The following BICDL2 variants were observed in gnomAD, a reference collection of about 807,000 sequenced individuals.
The protein encoded by BICDL2 is BICD family-like cargo adapter 2.
A neutral mutation model predicts 56.6 loss-of-function variants in BICDL2; 62 were observed. The observed-to-expected ratio is 1.10, with a 90% CI of 0.89 to 1.35. The LOEUF is 1.35. Ranked by LOEUF, BICDL2 falls within the 40% of genes most tolerant of loss-of-function variation. The pLI is 0.00. For synonymous variants in BICDL2, 358 were observed against 319.8 expected (o/e 1.12, Z -1.27); for missense variants, 808 against 684.5 (o/e 1.18, Z -2.01).
intron 5 of BICDL2, chr16:3,030,215 G>A (rs1232966353): frequency 1.8e-6 from 1 of 570,624 alleles, no homozygotes; most frequent in African/African-American, 1.9e-5. Context: ...CCTGAGCTCT[G>A]GCACCAGCCC....
In BICDL2 at chr16:3,028,413, AC is replaced by A; in HGVS notation, c.1293del (p.Ser432LeufsTer28). 1 of 1,557,588 alleles carries A rather than the reference AC, an allele frequency of 6.4e-7. No homozygotes were observed. On this transcript the variant is annotated frameshift_variant, in exon 9 of 10. Transcript: ENST00000572449. LOFTEE classifies it high-confidence loss of function. ...LNRVSLERDS[L>X]SRELLRAIRQ... ...CGGATGGCGCGCAGCAGCTCCCGAG[AC>A]AGGGAGTCTCGCTCCAGCGAGACGC...
chr16:3,035,914 T>C (rs1468945963), intron 1 of BICDL2: 2 of 293,630 alleles, frequency 6.8e-6, no homozygotes, highest in Non-Finnish European at 1.3e-5. Context: ...GACTCAGCAG[T>C]TGGAGTTGGG....
intron 8 of BICDL2, 36 bp downstream of exon 8, chr16:3,028,664 G>T: frequency 6.4e-7 from 1 of 1,555,126 alleles, no homozygotes; most frequent in East Asian, 2.4e-5. Context: ...AGGGCCCAGA[G>T]GGCGCTGGGG....
rs573285308 is a variant in BICDL2, at chr16:3,028,507, A to G, written c.1239-39T>C. 1.7e-5 allele frequency: 27 copies of G among 1,563,388 alleles called. No homozygotes were observed. The African/African-American group carries it at 3.5e-4, about 20-fold the overall frequency. On this transcript the variant is annotated intron_variant, in intron 8 of 9. Transcript: ENST00000572449. Reference sequence around the variant, plus strand: ...AGCAGAAGACGCGTTTGAGGGCGCTAGGGCCTCAGGGAGCCGGGGTGGCGG... The same window carrying G: ...AGCAGAAGACGCGTTTGAGGGCGCTGGGGCCTCAGGGAGCCGGGGTGGCGG...
intron 1 of BICDL2, chr16:3,035,831 C>G: frequency 2.6e-6 from 1 of 379,604 alleles, no homozygotes; most frequent in Non-Finnish European, 4.9e-6. Context: ...TGTCCCCTCT[C>G]TTCCCAGAAC....
At chr16:3,036,240 C>A (rs1480797026) in intron 1 of BICDL2, 2 of 454,736 alleles carry the variant, frequency 4.4e-6, no homozygotes, top group Non-Finnish European at 8.8e-6. Context: ...TTTCCCAGGG[C>A]CCTGGCGTGG....
At chr16:3,031,385 G>C (rs1026940847) in intron 2 of BICDL2, 6 of 573,908 alleles carry the variant, frequency 1.0e-5, no homozygotes, top group Middle Eastern at 4.6e-4. Context: ...GGGTTGGGGT[G>C]GGGGGATCTC....
rs531920526 is a variant in BICDL2 at position 3,031,190 on chromosome 16, C to G, written c.283-40G>C. ...GCAGAGGGACAGAGGCAGAGAGGCA[C>G]CGATGAGACTGGGCAGGCACAGAGA... On this transcript the variant is annotated intron_variant, in intron 2 of 9. Coordinates refer to ENST00000572449, the MANE Select transcript of BICDL2 (RefSeq NM_001369667.1). The G allele has an allele frequency of 4.0e-6, 6 of 1,503,858 alleles. No individual in the cohort carries two copies. The East Asian group carries it at 1.2e-4, about 31-fold the overall frequency. The allele number at this position is 1,503,858 out of a possible 1,614,324, so 93.2% of individuals were successfully genotyped here. A position where few individuals can be genotyped will look rare whatever the true frequency, so the allele number is the denominator to read the frequency against.
rs1955576517 is a variant in BICDL2, at chr16:3,028,179, G to GCGGCA, written c.1449_1453dup (p.Ala485ValfsTer60). ...GCCCAGGCGCAGCGAGAAGCGGGGC[G>GCGGCA]CGGCACGGCGCGGGGTCGACGACGA... On this transcript the variant is annotated frameshift_variant, in exon 10 of 10. Coordinates refer to ENST00000572449, the MANE Select transcript of BICDL2 (RefSeq NM_001369667.1). LOFTEE classifies it high-confidence loss of function. 1 of 1,452,238 alleles carries GCGGCA rather than the reference G, an allele frequency of 6.9e-7. No homozygotes were observed. The highest frequency in any genetic ancestry group is 1.5e-5 in the South Asian group (1 of 67,464). 90.0% of individuals were successfully genotyped at this position (1,452,238 alleles called of 1,614,324 possible). A position where few individuals can be genotyped will look rare whatever the true frequency, so the allele number is the denominator to read the frequency against.
At chr16:3,036,683 G>A (rs1955737933) in intron 1 of BICDL2, 1 of 450,666 alleles carries the variant, frequency 2.2e-6, no homozygotes, top group Non-Finnish European at 4.4e-6. Flanking sequence ...AGCTGCCCAG[G>A]TGTTGGGGCC....
intron 2 of BICDL2, chr16:3,031,479 G>T: frequency 1.9e-6 from 1 of 526,610 alleles, no homozygotes. Flanking sequence ...GTCTGGCAGA[G>T]TTCAAGCCCC....
intron 5 of BICDL2, 66 bp downstream of exon 5, chr16:3,030,383 C>T (rs1350018852): frequency 2.8e-5 from 43 of 1,551,724 alleles, no homozygotes; most frequent in Middle Eastern, 1.7e-4. Context: ...GGCCTCATCT[C>T]CCAGAAAGCC....
chr16:3,030,428 T>A, intron 5 of BICDL2, 21 bp downstream of exon 5: 1 of 1,595,098 alleles, frequency 6.3e-7, no homozygotes, highest in South Asian at 1.1e-5. Flanking sequence ...GCAGTTGTAG[T>A]CCCCCAGCCC....
At chr16:3,034,693 C>CTTCCTTCCTTCCTTCCCCTTCCTT (rs201446162) in intron 2 of BICDL2, among the ~76,000 whole-genome samples, 3 of 107,684 alleles carry the variant, frequency 2.8e-5, no homozygotes, top group Non-Finnish European at 5.9e-5. Context: ...TCCTTCCTTC[C>CTTCCTTCCTTCCTTCCCCTTCCTT]CCTTCCTTCC....
Position 3,035,479 on chromosome 16 carries a change from C to A in BICDL2, c.18G>T (p.Gly6=). 6.2e-7 allele frequency: 1 copy of A among 1,610,760 alleles called. No homozygotes were observed. Among genetic ancestry groups the A allele is most frequent in the Admixed American group, 1.7e-5 (1 of 59,958 alleles). MSSPD[G]PSFPSGPLSG... ...AGAGCGGCCCGGACGGGAAGCTGGGCCCATCTGGAGAGCTCATGTCACCTG... is the reference window on the plus strand; with the variant it reads ...AGAGCGGCCCGGACGGGAAGCTGGGACCATCTGGAGAGCTCATGTCACCTG... Residue 6 remains glycine, a synonymous_variant, in exon 2 of 10, where the codon GGG becomes GGT. Coordinates refer to ENST00000572449, the MANE Select transcript of BICDL2 (RefSeq NM_001369667.1).
intron 5 of BICDL2, 33 bp downstream of exon 5, chr16:3,030,416 A>C: frequency 6.3e-7 from 1 of 1,594,354 alleles, no homozygotes; most frequent in Non-Finnish European, 8.5e-7. Flanking sequence ...CTAAGGGTCC[A>C]GGCAGTTGTA....
At chr16:3,028,502 G>T in intron 8 of BICDL2, 34 bp from the exon 9 acceptor site, 3 of 1,567,648 alleles carry the variant, frequency 1.9e-6, no homozygotes, top group Non-Finnish European at 2.6e-6. Flanking sequence ...GCGTTTGAGG[G>T]CGCTAGGGCC....
chr16:3,033,474 G>A (rs1955684919), intron 2 of BICDL2, among the ~76,000 whole-genome samples: 1 of 151,814 alleles, frequency 6.6e-6, no homozygotes, highest in Admixed American at 6.6e-5. Context: ...GATATTGGGG[G>A]GAATTTGTTC....
Position 3,035,295 on chromosome 16 carries a change from C to G in BICDL2, c.202G>C (p.Gly68Arg). 6.4e-7 allele frequency: 1 copy of G among 1,559,282 alleles called. No individual in the cohort carries two copies. Among genetic ancestry groups the G allele is most frequent in the Non-Finnish European group, 8.7e-7 (1 of 1,151,930 alleles). The change falls in exon 2 of 10, where the codon GGC (glycine) becomes CGC (arginine). Residue 68 changes from glycine to arginine, a missense_variant. Coordinates refer to ENST00000572449, the MANE Select transcript of BICDL2 (RefSeq NM_001369667.1). ...EKDLLLAAEL[G>R]KMLLERNEEL... ...TCATTTCGCTCCAGAAGCATCTTGCCGAGCTCCGCGGCCAACAGCAGGTCT... is the reference window on the plus strand; with the variant it reads ...TCATTTCGCTCCAGAAGCATCTTGCGGAGCTCCGCGGCCAACAGCAGGTCT...
Sources: gnomAD v4.1 joint callset for allele counts (sites outside exome capture counted in the v4.1 genomes callset) on GRCh38, gnomAD v4.1.1 for gene constraint, MANE v1.5 for transcripts, NCBI Gene and HGNC (gene_info 2026-07-23, HGNC 2026-07-21) for gene names.